Variants in PRELID2 observed in about 807,000 individuals in gnomAD.
PRELID2 encodes PRELI domain containing 2.
Under a neutral mutation model 28.4 loss-of-function variants are expected in PRELID2, and 25 were observed. That is an observed-to-expected ratio of 0.88 (90% confidence interval 0.64 to 1.23). PRELID2 has a LOEUF of 1.23. PRELID2 is among the 50% of genes most tolerant of loss of function. The pLI is 0.00. For missense variants in PRELID2, 201 were observed against 214.4 expected, an observed-to-expected ratio of 0.94 and a Z score of 0.39; for synonymous variants, 76 against 71.6, an observed-to-expected ratio of 1.06 and a Z score of -0.31.
Position 145,835,118 on chromosome 5 carries a change from G to A in PRELID2, c.75+59C>T. 3.3e-6 allele frequency: 4 copies of A among 1,204,652 alleles called. 1 individual carries two copies. The South Asian group carries it at 5.3e-5, about 16-fold the overall frequency. The allele number at this position is 1,204,652 out of a possible 1,614,324, so 74.6% of individuals were successfully genotyped here. ...CAGCTTCCGCGTGGATGAAGGAGAG[G>A]AGAGAGGGGCAAGCAGCGGAGGCAG... On this transcript the variant is annotated intron_variant, in intron 1 of 6. Coordinates refer to ENST00000683046, the MANE Select transcript of PRELID2 (RefSeq NM_205846.3).
intron 1 of PRELID2, among the ~76,000 whole-genome samples, chr5:145,710,992 C>T (rs148943440): frequency 2.8e-4 from 42 of 152,260 alleles, no homozygotes; most frequent in Middle Eastern, 3.4e-3. Context: ...GTAATCTCTG[C>T]CACACATACC....
chr5:145,684,208 A>G (rs887680777), intron 1 of PRELID2, among the ~76,000 whole-genome samples: 4 of 152,216 alleles, frequency 2.6e-5, no homozygotes, highest in African/African-American at 4.8e-5. Context: ...TGACATGAAA[A>G]GAGTCAATAG....
intron 1 of PRELID2, among the ~76,000 whole-genome samples, chr5:145,477,962 T>G (rs1752118202): frequency 6.6e-6 from 1 of 152,150 alleles, no homozygotes; most frequent in Non-Finnish European, 1.5e-5. Context: ...GGCTATTTCT[T>G]ACCACTCCTA....
chr5:145,595,531 T>A (rs1193499211), intron 1 of PRELID2, among the ~76,000 whole-genome samples: 1 of 152,204 alleles, frequency 6.6e-6, no homozygotes, highest in Non-Finnish European at 1.5e-5. Context: ...ATTTAACACC[T>A]CAGTGTGCCA....
At chr5:145,337,733 TCACACACA>T in the PRELID2 span, among the ~76,000 whole-genome samples, 2 of 96,070 alleles carry the variant, frequency 2.1e-5, no homozygotes, top group South Asian at 3.5e-4. Flanking sequence ...ATATATATAC[TCACACACA>T]CACACACACA....
At chr5:145,472,585 G>T (rs1322360059) in intron 2 of PRELID2, among the ~76,000 whole-genome samples, 1 of 152,092 alleles carries the variant, frequency 6.6e-6, no homozygotes, top group African/African-American at 2.4e-5. Context: ...TTGAGGAATA[G>T]CCCCCAGCCC....
intron 5 of PRELID2, among the ~76,000 whole-genome samples, chr5:145,791,423 A>C (rs755286967): frequency 6.6e-6 from 1 of 152,218 alleles, no homozygotes; most frequent in Non-Finnish European, 1.5e-5. Context: ...CACATGCTAC[A>C]ATGCAGATGA....
chr5:145,675,565 A>G (rs1754797700), intron 1 of PRELID2, among the ~76,000 whole-genome samples: 1 of 152,184 alleles, frequency 6.6e-6, no homozygotes, highest in African/African-American at 2.4e-5. Flanking sequence ...TATGCAGAAA[A>G]TTATCTTTTA....
At chr5:145,545,345 C>T (rs528126303) in intron 1 of PRELID2, among the ~76,000 whole-genome samples, 2 of 151,826 alleles carry the variant, frequency 1.3e-5, no homozygotes, top group African/African-American at 4.8e-5. Flanking sequence ...GGATGTGAGG[C>T]AGTGGGAGAT....
intron 1 of PRELID2, among the ~76,000 whole-genome samples, chr5:145,688,348 C>CA (rs2149693819): frequency 6.6e-6 from 1 of 152,220 alleles, no homozygotes; most frequent in Admixed American, 6.5e-5. Flanking sequence ...CTTGCATCAG[C>CA]AGTAATGGTA....
At chr5:145,541,683 G>A in intron 1 of PRELID2, among the ~76,000 whole-genome samples, 1 of 151,990 alleles carries the variant, frequency 6.6e-6, no homozygotes, top group Non-Finnish European at 1.5e-5. Context: ...GTTTAATTGG[G>A]GGAGAGAACC....
chr5:145,548,623 T>C (rs187032742), intron 1 of PRELID2, among the ~76,000 whole-genome samples: 1 of 152,296 alleles, frequency 6.6e-6, no homozygotes, highest in Admixed American at 6.5e-5. Context: ...TCTAAATCTC[T>C]GTGGTTGATA....
chr5:145,240,102 C>T, the PRELID2 span, among the ~76,000 whole-genome samples: 2 of 151,940 alleles, frequency 1.3e-5, no homozygotes, highest in African/African-American at 4.8e-5. Flanking sequence ...TAATTGAATG[C>T]ATGAAAATGA....
the PRELID2 span, among the ~76,000 whole-genome samples, chr5:145,251,342 C>T: frequency 5.9e-5 from 9 of 152,188 alleles, no homozygotes; most frequent in Admixed American, 4.6e-4. Flanking sequence ...TCATACTGAC[C>T]CTGCTGCCCA....
At chr5:145,741,803 A>C (rs1303420222) in intron 1 of PRELID2, among the ~76,000 whole-genome samples, 1 of 104,102 alleles carries the variant, frequency 9.6e-6, no homozygotes, top group South Asian at 3.0e-4. Context: ...TTTATATATA[A>C]ATTTATTTAT....
chr5:145,560,965 G>A (rs763761357), intron 1 of PRELID2, among the ~76,000 whole-genome samples: 8 of 151,476 alleles, frequency 5.3e-5, no homozygotes, highest in South Asian at 2.1e-4. Flanking sequence ...TTTCCATGAC[G>A]TTGAACCACT....
intron 1 of PRELID2, among the ~76,000 whole-genome samples, chr5:145,506,541 C>G (rs781083901): frequency 6.6e-6 from 1 of 152,162 alleles, no homozygotes; most frequent in South Asian, 2.1e-4. Context: ...TTTCATTGTG[C>G]GTAATAGGAG....
At chr5:145,722,222 T>C (rs916098114) in intron 1 of PRELID2, among the ~76,000 whole-genome samples, 55 of 152,284 alleles carry the variant, frequency 3.6e-4, no homozygotes, top group African/African-American at 1.3e-3. Flanking sequence ...AGAAGAAATA[T>C]TACCGACAAC....
chr5:145,787,585 G>A (rs1232546014), intron 5 of PRELID2, among the ~76,000 whole-genome samples: 2 of 151,340 alleles, frequency 1.3e-5, no homozygotes, highest in Middle Eastern at 3.4e-3. Context: ...CTGTCACCCA[G>A]GCTAGGGTGC....
Sources: allele counts gnomAD v4.1 joint callset (sites outside exome capture counted in the v4.1 genomes callset), GRCh38; gene constraint gnomAD v4.1.1; transcripts MANE v1.5; gene names NCBI Gene and HGNC (gene_info 2026-07-23, HGNC 2026-07-21).